The following ELP3 variants were observed in gnomAD, a reference collection of about 807,000 sequenced individuals.
The protein encoded by ELP3 is elongator complex protein 3.
Under a neutral mutation model 74.9 loss-of-function variants are expected in ELP3, and 56 were observed. The ratio of observed to expected loss-of-function variants is 0.75; its 90% CI spans 0.60 to 0.93. ELP3 has a LOEUF of 0.93. ELP3 is among the 40% of genes least tolerant of loss of function. The pLI, the probability that ELP3 is intolerant of heterozygous loss-of-function variation, is 0.00. For missense variants in ELP3, 573 were observed against 686.5 expected, an observed-to-expected ratio of 0.83 and a Z score of 1.85; for synonymous variants, 222 against 239.8, an observed-to-expected ratio of 0.93 and a Z score of 0.68.
intron 7 of ELP3, among the ~76,000 whole-genome samples, chr8:28,115,376 A>G (rs1041081629): frequency 3.3e-5 from 5 of 152,218 alleles, no homozygotes; most frequent in African/African-American, 1.2e-4. Context: ...TTATAGTACG[A>G]TCCCATTATT....
At chr8:28,176,163 T>G (rs1252220532) in intron 14 of ELP3, among the ~76,000 whole-genome samples, 1 of 152,190 alleles carries the variant, frequency 6.6e-6, no homozygotes, top group Non-Finnish European at 1.5e-5. Flanking sequence ...CTGAGTGTTC[T>G]TCATTGTGTG....
intron 10 of ELP3, among the ~76,000 whole-genome samples, chr8:28,140,259 G>A (rs543050731): frequency 6.6e-6 from 1 of 152,132 alleles, no homozygotes; most frequent in Non-Finnish European, 1.5e-5. Context: ...GTGCCAGAAA[G>A]TAAGGAAGTA....
upstream of ELP3, among the ~76,000 whole-genome samples, chr8:28,092,163 C>T (rs976363862): frequency 1.3e-5 from 2 of 152,186 alleles, no homozygotes; most frequent in Admixed American, 6.5e-5. Flanking sequence ...GGGCTTCTGT[C>T]TTTGCAGCTG....
At chr8:28,160,583 A>G in intron 13 of ELP3, 127 bp downstream of exon 13, 1 of 771,148 alleles carries the variant, frequency 1.3e-6, no homozygotes, top group Non-Finnish European at 2.1e-6. Flanking sequence ...GCATAGAAAC[A>G]GAGGAGCCAG....
chr8:28,090,375 C>T (rs1200014313), upstream of ELP3: 11 of 369,846 alleles, frequency 3.0e-5, no homozygotes, highest in East Asian at 2.5e-4. Context: ...TGTTGCTTCC[C>T]GGTCTGGTGG....
chr8:28,137,299 A>G (rs1286983384), intron 9 of ELP3, among the ~76,000 whole-genome samples: 2 of 152,206 alleles, frequency 1.3e-5, no homozygotes, highest in African/African-American at 4.8e-5. Flanking sequence ...TGGGACAGCT[A>G]GTATTTGAAA....
intron 14 of ELP3, among the ~76,000 whole-genome samples, chr8:28,184,660 A>G (rs1815162324): frequency 6.6e-6 from 1 of 152,180 alleles, no homozygotes; most frequent in East Asian, 1.9e-4. Flanking sequence ...GCAGCCATTT[A>G]TGGTAGACAA....
intron 7 of ELP3, among the ~76,000 whole-genome samples, chr8:28,114,971 C>T (rs573612552): frequency 2.0e-5 from 3 of 151,922 alleles, no homozygotes; most frequent in East Asian, 3.9e-4. Context: ...CAGATGGGGG[C>T]GGCAGCAGTG....
chr8:28,178,555 A>G (rs140556570), intron 14 of ELP3, among the ~76,000 whole-genome samples: 5 of 152,322 alleles, frequency 3.3e-5, no homozygotes, highest in Admixed American at 6.5e-5. Context: ...TTATGCTGAT[A>G]GTTCACGATT....
chr8:28,126,798 A>G lies in ELP3; in HGVS notation c.618-2704A>G, dbSNP rs192666762. 2.0e-5 allele frequency among the ~76,000 whole-genome samples: 3 copies of G among 152,346 alleles called. No homozygotes were observed. The East Asian group carries it at 5.8e-4, about 29-fold the overall frequency. ...TGCATATTAAAGAACAGTTATGTTGATATATTTACATCTCTGTTAAATGAA... is the reference window on the plus strand; with the variant it reads ...TGCATATTAAAGAACAGTTATGTTGGTATATTTACATCTCTGTTAAATGAA... On this transcript the variant is annotated intron_variant, in intron 7 of 14. Transcript: ENST00000256398.
intron 12 of ELP3, among the ~76,000 whole-genome samples, chr8:28,160,019 A>G (rs1428606522): frequency 6.6e-6 from 1 of 152,218 alleles, no homozygotes; most frequent in Non-Finnish European, 1.5e-5. Context: ...GAAATTATAC[A>G]GTTATTTTCC....
At chr8:28,169,669 C>G (rs1232795943) in intron 14 of ELP3, among the ~76,000 whole-genome samples, 1 of 152,186 alleles carries the variant, frequency 6.6e-6, no homozygotes, top group African/African-American at 2.4e-5. Context: ...GCTGAAACAA[C>G]AAGCATTTTT....
chr8:28,186,442 C>T (rs1189131692), intron 14 of ELP3, among the ~76,000 whole-genome samples: 1 of 152,230 alleles, frequency 6.6e-6, no homozygotes, highest in Admixed American at 6.5e-5. Flanking sequence ...GCTCTGCCTT[C>T]TCACTCTTCA....
intron 7 of ELP3, among the ~76,000 whole-genome samples, chr8:28,117,964 G>A (rs1812204077): frequency 1.3e-5 from 2 of 152,166 alleles, no homozygotes; most frequent in South Asian, 2.1e-4. Context: ...TGTGGCCCTC[G>A]GAAATGTTTG....
upstream of ELP3, among the ~76,000 whole-genome samples, chr8:28,092,079 AGG>A (rs1190964770): frequency 6.6e-6 from 1 of 152,186 alleles, no homozygotes; most frequent in Admixed American, 6.5e-5. Context: ...AAGTGTTGTA[AGG>A]TAAAGACTCT....
rs377315632 is a variant in ELP3 at position 28,116,680 on chromosome 8, A to C, written c.617+3507A>C. ...CTTGAACCCAGGAGGCAGAGGTTGCAGTGAGCCAAGATTGCACTACTGCAC... is the reference window on the plus strand; with the variant it reads ...CTTGAACCCAGGAGGCAGAGGTTGCCGTGAGCCAAGATTGCACTACTGCAC... On this transcript the variant is annotated intron_variant, in intron 7 of 14. Transcript: ENST00000256398. 5.5e-4 allele frequency among the ~76,000 whole-genome samples: 84 copies of C among 152,338 alleles called. 1 individual carries two copies. In the South Asian group the frequency reaches 0.016, roughly 30 times the overall value.
chr8:28,139,469 C>T (rs1813136311), intron 10 of ELP3, among the ~76,000 whole-genome samples: 1 of 152,138 alleles, frequency 6.6e-6, no homozygotes. Context: ...GGTGGCCCTT[C>T]ATATCTTCGG....
chr8:28,137,949 C>T lies in ELP3; in HGVS notation c.1100+58C>T, dbSNP rs1371986153. The T allele has an allele frequency of 8.7e-6, 12 of 1,379,040 alleles. No individual in the cohort carries two copies. The African/African-American group carries it at 1.2e-4, about 14-fold the overall frequency. 85.4% of individuals were successfully genotyped at this position (1,379,040 alleles called of 1,614,324 possible). On this transcript the variant is annotated intron_variant, in intron 10 of 14. Coordinates refer to ENST00000256398, the MANE Select transcript of ELP3 (RefSeq NM_018091.6). ...GGTGACTAGTCTGTTTACTATTTCT[C>T]ATGGAAATAGTCTGATTTCATATTG...
Position 28,129,633 on chromosome 8 carries a change from T to G in ELP3, c.749T>G (p.Val250Gly). The G allele has an allele frequency of 6.2e-7, 1 of 1,614,140 alleles. No individual in the cohort carries two copies. Among genetic ancestry groups the G allele is most frequent in the South Asian group, 1.1e-5 (1 of 91,084 alleles). ...AGGCTGGAGATTGGGGTGCAGAGTG[T>G]TTATGAAGATGTGGCTAGAGACACC... ...CTRLEIGVQS[V>G]YEDVARDTNR... The change falls in exon 8 of 15, where the codon GTT becomes GGT. Residue 250 changes from valine to glycine, a missense_variant. Coordinates refer to ENST00000256398, the MANE Select transcript of ELP3 (RefSeq NM_018091.6).
Sources: gnomAD v4.1 joint callset for allele counts (sites outside exome capture counted in the v4.1 genomes callset) on GRCh38, gnomAD v4.1.1 for gene constraint, MANE v1.5 for transcripts, NCBI Gene and HGNC (gene_info 2026-07-23, HGNC 2026-07-21) for gene names.